The following ARAP3 variants were observed in gnomAD, a reference collection of about 807,000 sequenced individuals.
ARAP3 encodes the protein arf-GAP with Rho-GAP domain, ANK repeat and PH domain-containing protein 3.
ARAP3 carries 82 observed loss-of-function variants against 169.2 expected under a neutral mutation model. That is an observed-to-expected ratio of 0.48 (90% CI 0.41 to 0.58). ARAP3 has a LOEUF of 0.58. Ranked by LOEUF, ARAP3 falls within the 20% of genes least tolerant of loss-of-function variation. ARAP3 has a pLI of 0.00. For missense variants in ARAP3, 1,764 were observed against 2,018.0 expected (o/e 0.87, Z 2.41); for synonymous variants, 791 against 800.3 (o/e 0.99, Z 0.20).
rs1253356653 is a variant in ARAP3 at position 141,665,072 on chromosome 5, G to C, written c.2650C>G (p.Gln884Glu). 6.2e-7 allele frequency: 1 copy of C among 1,612,602 alleles called. No individual in the cohort carries two copies. Among genetic ancestry groups the C allele is most frequent in the Non-Finnish European group, 8.5e-7 (1 of 1,179,260 alleles). Residue 884 changes from glutamine (Q) to glutamate (E), a missense_variant, in exon 19 of 33, where the codon CAA (glutamine) becomes GAA (glutamate). Transcript: ENST00000239440. ...LVETGRTLYL[Q>E]GEGRLDFTAW... ...GTGAAGTCCAGCCGGCCCTCTCCTT[G>C]CAGATACAGGGTCCTGAGACCCCAG...
In ARAP3 at chr5:141,672,018, T is replaced by C; in HGVS notation, c.1586-38A>G. ...GAGGGTGTGTGAGGGTGTGTGAGGG[T>C]GTGAGGGGCATGTGGCACGGGTACC... is the stretch of plus-strand genomic sequence containing the variant. On this transcript the variant is annotated intron_variant, in intron 10 of 32. Transcript: ENST00000239440. This position sits in a 1 kb window ranked among gnomAD's most constrained non-coding sequence, Gnocchi z 4.9. 1 of 1,611,064 alleles carries C rather than the reference T, an allele frequency of 6.2e-7. No individual in the cohort carries two copies.
rs745310798 is a variant in ARAP3, at chr5:141,680,297, T to C, written c.190A>G (p.Thr64Ala). Residue 64 changes from threonine to alanine, a missense_variant, in exon 2 of 33, where the codon ACA becomes GCA. This residue lies in a region of ARAP3 where 630 missense variants were observed against 678.7 expected (regional missense o/e 0.93). Transcript: ENST00000239440. ...HRKRILRLLQTGTEEGSLDPK... is the reference protein window; with the variant it reads ...HRKRILRLLQAGTEEGSLDPK... ...TCCAGGGAGCCCTCTTCGGTGCCTG[T>C]CTGTAGCAGGCGTAGAATGCGTTTC... The C allele has an allele frequency of 6.2e-7, 1 of 1,614,212 alleles. No individual in the cohort carries two copies. The highest frequency in any genetic ancestry group is 1.3e-5 in the African/African-American group (1 of 75,058).
At chr5:141,681,521 C>A (rs553165489) in intron 1 of ARAP3, among the ~76,000 whole-genome samples, 6 of 152,248 alleles carry the variant, frequency 3.9e-5, no homozygotes, top group Admixed American at 1.3e-4. Flanking sequence ...TTCTGTGGCC[C>A]CTGAGTTTTA....
At chr5:141,669,673 G>A (rs2099911174) in intron 16 of ARAP3, 36 bp downstream of exon 16, 3 of 1,590,340 alleles carry the variant, frequency 1.9e-6, no homozygotes, top group South Asian at 2.2e-5. Flanking sequence ...GACAAGGAAA[G>A]CATGAGATGC....
At chr5:141,679,461 T>C in intron 4 of ARAP3, 84 bp downstream of exon 4, 1 of 1,346,596 alleles carries the variant, frequency 7.4e-7, no homozygotes, top group Non-Finnish European at 1.0e-6. Context: ...GAATACTCAA[T>C]GCACATTTGT....
rs1290242664 is a variant in ARAP3 at position 141,664,955 on chromosome 5, C to T, written c.2767G>A (p.Val923Met). The T allele has an allele frequency of 5.6e-6, 9 of 1,611,942 alleles. No individual in the cohort carries two copies. In the South Asian group the frequency reaches 8.8e-5, roughly 16 times the overall value. The change falls in exon 19 of 33, where the codon GTG (valine) becomes ATG (methionine). Residue 923 changes from valine to methionine, a missense_variant. By Grantham distance (21) the Val-to-Met change is conservative (BLOSUM62 1). Around this residue, in one of 3 missense-constraint regions of ARAP3, gnomAD observed 1,112 missense variants for 1,285.7 expected, o/e 0.86. Coordinates refer to ENST00000239440, the MANE Select transcript of ARAP3 (RefSeq NM_022481.6). Reference sequence around the variant, plus strand: ...GTAACAAAACTGATGCAGGCATCCACGATGATGGGGATGTCACCCCGGCTC... The same window carrying T: ...GTAACAAAACTGATGCAGGCATCCATGATGATGGGGATGTCACCCCGGCTC... ...QMSRGDIPIIVDACISFVTQH... is the reference protein window; with the variant it reads ...QMSRGDIPIIMDACISFVTQH...
At chr5:141,680,565 G>A in intron 1 of ARAP3, 62 bp from the exon 2 acceptor site, 1 of 1,494,322 alleles carries the variant, frequency 6.7e-7, no homozygotes, top group South Asian at 1.3e-5. Flanking sequence ...CTGCCCCAGA[G>A]TCTGAGGCCT....
In ARAP3 at chr5:141,670,619, G is replaced by A. The variant is rs1465420579; in HGVS notation, c.2000C>T (p.Pro667Leu). The A allele has an allele frequency of 6.2e-7, 1 of 1,613,582 alleles. No homozygotes were observed. The highest frequency in any genetic ancestry group is 1.3e-5 in the African/African-American group (1 of 74,894). The change falls in exon 14 of 33, where the codon CCT becomes CTT. Residue 667 changes from proline to leucine, a missense_variant. Physicochemically the swap from Pro to Leu is moderately conservative, Grantham distance 98. Around this residue, in one of 3 missense-constraint regions of ARAP3, gnomAD observed 1,112 missense variants for 1,285.7 expected, o/e 0.86. Coordinates refer to ENST00000239440, the MANE Select transcript of ARAP3 (RefSeq NM_022481.6). ...CACCACCACCTCATTGTACACACCA[G>A]GGGAGGGGTCTGCAAGGGGAAGGGG... ...CPGLLPSDPSPGVYNEVVVRA... is the reference protein window; with the variant it reads ...CPGLLPSDPSLGVYNEVVVRA...
chr5:141,664,984 T>G lies in ARAP3; in HGVS notation c.2738A>C (p.Gln913Pro), dbSNP rs201530153. 1 of 1,613,258 alleles carries G rather than the reference T, an allele frequency of 6.2e-7. No homozygotes were observed. Among genetic ancestry groups the G allele is most frequent in the Non-Finnish European group, 8.5e-7 (1 of 1,179,900 alleles). The change falls in exon 19 of 33, where the codon CAG becomes CCG. Residue 913 changes from glutamine to proline, a missense_variant. Transcript: ENST00000239440. ...GATGGGGATGTCACCCCGGCTCATC[T>G]GCTGCTCCTGCAGCCCTGTGCCGCC... ...GGGGTGLQEQ[Q>P]MSRGDIPIIV...
chr5:141,672,838 CG>C lies in ARAP3; in HGVS notation c.1180del (p.Arg394AspfsTer21). 8.1e-6 allele frequency: 5 copies of C among 613,698 alleles called. No individual in the cohort carries two copies. The highest frequency in any genetic ancestry group is 1.5e-5 in the Non-Finnish European group (5 of 336,350). 38.0% of individuals were successfully genotyped at this position (613,698 alleles called of 1,614,324 possible). A position where few individuals can be genotyped will look rare whatever the true frequency, so the allele number is the denominator to read the frequency against. ...LGHPRPPQPPRPLRTGMLELR... is the reference protein window; with the variant it reads ...LGHPRPPQPPXPLRTGMLELR... ...CTCCAGCATGCCCGTGCGGAGGGGTCGGGGTGGTTGGGGGGGCCGGGGGTGG... is the reference window on the plus strand; with the variant it reads ...CTCCAGCATGCCCGTGCGGAGGGGTCGGGTGGTTGGGGGGGCCGGGGGTGG... On this transcript the variant is annotated frameshift_variant, in exon 8 of 33. Coordinates refer to ENST00000239440, the MANE Select transcript of ARAP3 (RefSeq NM_022481.6). LOFTEE classifies it high-confidence loss of function. The surrounding 1 kb of genome is among the most constrained non-coding windows in gnomAD (Gnocchi z 4.9).
chr5:141,659,508 G>A (rs2099909667), intron 22 of ARAP3, 32 bp from the exon 23 acceptor site: 1 of 1,608,034 alleles, frequency 6.2e-7, no homozygotes, highest in Non-Finnish European at 8.5e-7. Context: ...GTGTTGGGGT[G>A]CTGGAAGAGG....
Position 141,662,064 on chromosome 5 carries a change from G to A in ARAP3, c.2992C>T (p.Pro998Ser). ...ATACCAGCAGCCTCCCTCCAGCGAG[G>A]CAGCAACCGTGCAGAGGTCACAGGG... ...DDPVTSARLLPRWREAAELPQ... is the reference protein window; with the variant it reads ...DDPVTSARLLSRWREAAELPQ... The change falls in exon 20 of 33, where the codon CCT becomes TCT. Residue 998 changes from proline to serine, a missense_variant. Pro to Ser is a moderately conservative substitution (Grantham distance 74). Coordinates refer to ENST00000239440, the MANE Select transcript of ARAP3 (RefSeq NM_022481.6). 1.2e-6 allele frequency: 2 copies of A among 1,614,190 alleles called. No homozygotes were observed. Among genetic ancestry groups the A allele is most frequent in the Non-Finnish European group, 1.7e-6 (2 of 1,180,030 alleles).
Position 141,673,694 on chromosome 5 carries a change from G to T in ARAP3, c.813C>A (p.Asp271Glu). Residue 271 changes from aspartate (D) to glutamate (E), a missense_variant, in exon 5 of 33, where the codon GAC becomes GAA. Physicochemically the swap from Asp to Glu is conservative, Grantham distance 45. Transcript: ENST00000239440. ...PTLETEETSD[D>E]LISPYASFSF... is the part of the protein sequence containing the mutation. The stretch of plus-strand genomic sequence containing the variant: ...AGAAGCTGGCATAGGGTGAAATGAG[G>T]TCATCACTGGTCTCCTCTGTTTCCA... The T allele has an allele frequency of 6.2e-7, 1 of 1,614,228 alleles. No homozygotes were observed.
At chr5:141,661,643 G>C (rs781211695) in intron 21 of ARAP3, 41 bp downstream of exon 21, 1 of 1,543,056 alleles carries the variant, frequency 6.5e-7, no homozygotes, top group South Asian at 1.1e-5. Flanking sequence ...GGGTCAGATT[G>C]AAGTGAGGAA....
chr5:141,679,813 G>C lies in ARAP3; in HGVS notation c.534C>G (p.Asp178Glu), dbSNP rs373033994. 57 of 1,612,524 alleles carry C rather than the reference G, an allele frequency of 3.5e-5. No individual in the cohort carries two copies. The highest frequency in any genetic ancestry group is 4.5e-5 in the Non-Finnish European group (53 of 1,179,608). Residue 178 changes from aspartate to glutamate, a missense_variant, in exon 3 of 33, where the codon GAC becomes GAG. Physicochemically the swap from Asp to Glu is conservative, Grantham distance 45. Around this residue, in one of 3 missense-constraint regions of ARAP3, gnomAD observed 630 missense variants for 678.7 expected, o/e 0.93. Transcript: ENST00000239440. ...GGGTGGGGGCAGAGATTTGGGAGCTGTCTGGGGCCCTGAAGGGAAAGGTCT... is the reference window on the plus strand; with the variant it reads ...GGGTGGGGGCAGAGATTTGGGAGCTCTCTGGGGCCCTGAAGGGAAAGGTCT... ...RAQAAQDKAPDSSQISAPTPA... is the reference protein window; with the variant it reads ...RAQAAQDKAPESSQISAPTPA...
rs1236603775 is a variant in ARAP3, at chr5:141,666,953, C to T, written c.2353-310G>A. On this transcript the variant is annotated intron_variant, in intron 16 of 32. Transcript: ENST00000239440. ...AGGTGTGGGTATAAGAAAGAATACT[C>T]ATTCTTGTGCAGTGCCGTGATCATG... Among the ~76,000 whole-genome samples the T allele has an allele frequency of 2.0e-5, 3 of 152,282 alleles. No individual in the cohort carries two copies. The East Asian group carries it at 5.8e-4, about 29-fold the overall frequency.
intron 16 of ARAP3, among the ~76,000 whole-genome samples, chr5:141,667,786 A>G (rs2099910870): frequency 6.7e-6 from 1 of 149,878 alleles, no homozygotes; most frequent in Non-Finnish European, 1.5e-5. Context: ...TCAAGCCTGT[A>G]ATCCCAGCAC....
At chr5:141,661,988 T>C in intron 20 of ARAP3, 55 bp downstream of exon 20, 1 of 1,602,830 alleles carries the variant, frequency 6.2e-7, no homozygotes, top group Non-Finnish European at 8.5e-7. Flanking sequence ...TGGATTCTGG[T>C]GGGGGAAGGC....
At position 141,680,145 on chromosome 5, in the gene ARAP3, A is replaced by C. The variant is rs544049444; in HGVS notation, c.342T>G (p.Pro114=). Residue 114 remains proline (P), a synonymous_variant, in exon 2 of 33, where the codon CCT becomes CCG. Coordinates refer to ENST00000239440, the MANE Select transcript of ARAP3 (RefSeq NM_022481.6). ...GTCCCCCGAGGGCTGGGCTCAGCCC[A>C]GGTCTCTGAGTGGTGGCAGGGCCAC... ...GLSGPATTQR[P]GLSPALGGPG... 222 of 1,608,108 alleles carry C rather than the reference A, an allele frequency of 1.4e-4. No homozygotes were observed. The highest frequency in any genetic ancestry group is 1.8e-4 in the Non-Finnish European group (210 of 1,176,114).
Sources: allele counts gnomAD v4.1 joint callset (sites outside exome capture counted in the v4.1 genomes callset), GRCh38; gene constraint gnomAD v4.1.1; regional missense constraint gnomAD v4.1.1; non-coding constraint Gnocchi (gnomAD v3.1); transcripts MANE v1.5; gene names NCBI Gene and HGNC (gene_info 2026-07-23, HGNC 2026-07-21).